The following METTL21A variants were observed in gnomAD, a reference collection of about 807,000 sequenced individuals.
METTL21A encodes the protein methyltransferase 21A, HSPA lysine, also known as protein N-lysine methyltransferase METTL21A.
METTL21A carries 22 observed loss-of-function variants against 20.9 expected under a neutral mutation model. The ratio of observed to expected loss-of-function variants is 1.05; its 90% CI spans 0.75 to 1.50. METTL21A has a LOEUF of 1.50. Among genes scored for constraint, METTL21A ranks in the 40% most tolerant of loss-of-function variants. The pLI is 0.00. For synonymous variants in METTL21A, 93 were observed against 102.0 expected (o/e 0.91, Z 0.53); for missense variants, 271 against 266.8 (o/e 1.02, Z -0.11).
chr2:207,618,345 T>C (rs1047825329), intron 3 of METTL21A, among the ~76,000 whole-genome samples: 1 of 152,196 alleles, frequency 6.6e-6, no homozygotes, highest in African/African-American at 2.4e-5. Flanking sequence ...AAACCCTGTA[T>C]ATAAGATGCT....
chr2:207,605,011 A>C (rs1467490543), downstream of METTL21A, among the ~76,000 whole-genome samples: 1 of 152,226 alleles, frequency 6.6e-6, no homozygotes, highest in Non-Finnish European at 1.5e-5. Context: ...TGTTTGGCTA[A>C]TGTTCATAGT....
exon 4 of METTL21A, chr2:207,612,965 T>C: frequency 7.2e-7 from 1 of 1,392,772 alleles, no homozygotes; most frequent in African/African-American, 1.4e-5. Flanking sequence ...CAGTAAGACA[T>C]TTCATTAAAT....
Position 207,613,354 on chromosome 2 carries a change from T to C in METTL21A, c.349A>G (p.Lys117Glu), listed in dbSNP as rs759783529. 16 of 1,613,720 alleles carry C rather than the reference T, an allele frequency of 9.9e-6. No individual in the cohort carries two copies. The South Asian group carries it at 1.4e-4, about 14-fold the overall frequency. The change falls in exon 4 of 4, where the codon AAA (lysine) becomes GAA (glutamate). Residue 117 changes from lysine (K) to glutamate (E), a missense_variant. Coordinates refer to ENST00000406927, the Ensembl canonical transcript of METTL21A. Reference sequence around the variant, plus strand: ...CAAGTCAGCTCCTTAACAACAGTTTTAGTTTGGATATGAGGAGGTAAGTTG... The same window carrying C: ...CAAGTCAGCTCCTTAACAACAGTTTCAGTTTGGATATGAGGAGGTAAGTTG...
chr2:207,591,419 G>GTTGGT (rs1239931842), intron 3 of METTL21A, among the ~76,000 whole-genome samples: 3 of 152,074 alleles, frequency 2.0e-5, no homozygotes, highest in Non-Finnish European at 4.4e-5. Context: ...AACTACCCCA[G>GTTGGT]TTGGTTTGTT....
chr2:207,599,629 G>C (rs1353614622), intron 3 of METTL21A: 1 of 200,282 alleles, frequency 5.0e-6, no homozygotes, highest in Non-Finnish European at 1.0e-5. Context: ...ATCTGTCTTA[G>C]ACCCTTGGTG....
At chr2:207,595,765 T>C (rs1159260532) in intron 3 of METTL21A, among the ~76,000 whole-genome samples, 1 of 152,118 alleles carries the variant, frequency 6.6e-6, no homozygotes, top group Non-Finnish European at 1.5e-5. Context: ...GACAGGGTCT[T>C]AATATATTGC....
chr2:207,592,150 A>G (rs1315080550), intron 3 of METTL21A, among the ~76,000 whole-genome samples: 1 of 152,122 alleles, frequency 6.6e-6, no homozygotes, highest in African/African-American at 2.4e-5. Context: ...GAAGTGACAG[A>G]CTTTAAAGAT....
intron 3 of METTL21A, among the ~76,000 whole-genome samples, chr2:207,592,477 A>G (rs1195656518): frequency 6.6e-6 from 1 of 152,088 alleles, no homozygotes; most frequent in Non-Finnish European, 1.5e-5. Context: ...GTGTGTATAT[A>G]ATGCTCCTTT....
At chr2:207,590,084 T>TTG (rs1553508768) in intron 3 of METTL21A, among the ~76,000 whole-genome samples, 24 of 5,116 alleles carry the variant, frequency 4.7e-3, no homozygotes, top group South Asian at 0.016. Flanking sequence ...TTTTGAGAAG[T>TTG]TTTTTTTTTT....
chr2:207,591,426 T>G (rs554605792), intron 3 of METTL21A, among the ~76,000 whole-genome samples: 4 of 152,238 alleles, frequency 2.6e-5, no homozygotes, highest in East Asian at 1.9e-4. Context: ...CCAGTTGGTT[T>G]GTTTTGTTTT....
chr2:207,620,855 G>C, intron 3 of METTL21A: 2 of 570,498 alleles, frequency 3.5e-6, no homozygotes, highest in Non-Finnish European at 6.1e-6. Context: ...ACAAAAGAGG[G>C]GCTTTAGCTG....
intron 1 of METTL21A, 158 bp from the exon 2 acceptor site, chr2:207,624,562 G>T (rs372384303): frequency 1.8e-6 from 1 of 569,984 alleles, no homozygotes; most frequent in South Asian, 2.8e-5. Flanking sequence ...TGGCTCTTCC[G>T]AATCTGAGTG....
At chr2:207,615,424 G>A (rs572668769) in intron 3 of METTL21A, among the ~76,000 whole-genome samples, 5 of 152,042 alleles carry the variant, frequency 3.3e-5, no homozygotes, top group East Asian at 1.9e-4. Context: ...TAGGCCAGGC[G>A]TGGTGGCTCA....
chr2:207,588,732 T>G (rs1012347461), intron 3 of METTL21A, among the ~76,000 whole-genome samples: 7 of 142,688 alleles, frequency 4.9e-5, no homozygotes, highest in African/African-American at 7.6e-5. Context: ...TTTCTGGTTT[T>G]TTTTTTTTTT....
At chr2:207,593,393 G>A (rs1379567708) in intron 3 of METTL21A, among the ~76,000 whole-genome samples, 1 of 152,162 alleles carries the variant, frequency 6.6e-6, no homozygotes, top group Non-Finnish European at 1.5e-5. Flanking sequence ...AGCTGGGCAT[G>A]GTGGTGCATG....
intron 3 of METTL21A, among the ~76,000 whole-genome samples, chr2:207,589,683 G>C (rs2084587119): frequency 6.6e-6 from 1 of 151,974 alleles, no homozygotes. Context: ...GTTTAATCTT[G>C]TCAAATGCTT....
At chr2:207,591,927 A>G (rs867004024) in intron 3 of METTL21A, among the ~76,000 whole-genome samples, 10 of 152,140 alleles carry the variant, frequency 6.6e-5, no homozygotes, top group African/African-American at 2.4e-4. Flanking sequence ...TTACATTTAT[A>G]TATTTAATTT....
chr2:207,597,769 C>T (rs2086406771), intron 3 of METTL21A: 1 of 200,752 alleles, frequency 5.0e-6, no homozygotes, highest in South Asian at 1.9e-4. Flanking sequence ...TTTTTGAATA[C>T]ATTAAAAGAA....
intron 3 of METTL21A, among the ~76,000 whole-genome samples, chr2:207,594,444 C>T (rs1407485344): frequency 6.6e-6 from 1 of 152,260 alleles, no homozygotes; most frequent in African/African-American, 2.4e-5. Context: ...ATTTGATTGA[C>T]TTTAGATGCC....
Sources: allele counts gnomAD v4.1 joint callset (sites outside exome capture counted in the v4.1 genomes callset), GRCh38; gene constraint gnomAD v4.1.1; transcripts MANE v1.5; gene names NCBI Gene and HGNC (gene_info 2026-07-23, HGNC 2026-07-21).